The following INHBA variants were observed in gnomAD, a reference collection of about 807,000 sequenced individuals.
The protein encoded by INHBA is inhibin beta A chain.
A neutral mutation model predicts 29.0 loss-of-function variants in INHBA; 1 was observed. The observed-to-expected ratio is 0.03, with a 90% confidence interval of 0.01 to 0.16. The LOEUF (loss-of-function observed/expected upper bound fraction) is 0.16, where lower values mean the gene tolerates loss of function less well. Among genes scored for constraint, INHBA ranks in the 10% least tolerant of loss-of-function variants. The pLI, the probability that INHBA is intolerant of heterozygous loss-of-function variation, is 1.00. For synonymous variants in INHBA, 242 were observed against 216.8 expected, an observed-to-expected ratio of 1.12 and a Z score of -1.02; for missense variants, 376 against 545.4, an observed-to-expected ratio of 0.69 and a Z score of 3.09.
At chr7:41,704,657 TA>T, upstream of INHBA, among the ~76,000 whole-genome samples, 3 of 84,832 alleles carry the variant, frequency 3.5e-5, no homozygotes, top group South Asian at 3.9e-4. Context: ...TGTGTGTGTG[TA>T]GGTGACGTGG....
In INHBA at chr7:41,700,068, T is replaced by C; in HGVS notation, c.307A>G (p.Ile103Val). ...GCCCTCCTTCCAATGTCATCCTCTA[T>C]CTCCACATACCCGTTCTCCCCGACT... is the stretch of plus-strand genomic sequence containing the variant. ...GKVGENGYVE[I>V]EDDIGRRAEM... Residue 103 changes from isoleucine to valine, a missense_variant, in exon 2 of 3, where the codon ATA becomes GTA. By Grantham distance (29) the Ile-to-Val change is conservative. Around this residue, in one of 4 missense-constraint regions of INHBA, gnomAD observed 253 missense variants for 313.4 expected, o/e 0.81. Coordinates refer to ENST00000242208, the MANE Select transcript of INHBA (RefSeq NM_002192.4). The C allele has an allele frequency of 6.2e-7, 1 of 1,613,158 alleles. No homozygotes were observed. Among genetic ancestry groups the C allele is most frequent in the Non-Finnish European group, 8.5e-7 (1 of 1,179,782 alleles).
rs1178856323 is a variant in INHBA at position 41,689,348 on chromosome 7, A to G, written c.*302T>C. 3.0e-6 allele frequency: 1 copy of G among 335,850 alleles called. No individual in the cohort carries two copies. Among genetic ancestry groups the G allele is most frequent in the African/African-American group, 2.1e-5 (1 of 47,350 alleles). 20.8% of individuals were successfully genotyped at this position (335,850 alleles called of 1,614,324 possible). A position where few individuals can be genotyped will look rare whatever the true frequency, so the allele number is the denominator to read the frequency against. ...GGAAAGGACAATACCCCGTTTAAAC[A>G]ACTGATGTCATCAGTGTGATTTCAG... On this transcript the variant is annotated 3_prime_UTR_variant, in exon 3 of 3. Coordinates refer to ENST00000242208, the MANE Select transcript of INHBA (RefSeq NM_002192.4).
intron 2 of INHBA, among the ~76,000 whole-genome samples, chr7:41,697,712 T>C (rs1173452843): frequency 6.6e-6 from 1 of 152,220 alleles, no homozygotes; most frequent in Non-Finnish European, 1.5e-5. Context: ...GTTATTAAAG[T>C]TGAATTATTC....
At chr7:41,690,924 A>T (rs190126017) in intron 2 of INHBA, among the ~76,000 whole-genome samples, 37 of 152,268 alleles carry the variant, frequency 2.4e-4, no homozygotes, top group African/African-American at 7.9e-4. Flanking sequence ...ACAAAGCCTA[A>T]ATTATTTACT....
At chr7:41,692,310 G>T (rs956300876) in intron 2 of INHBA, 1 of 152,054 alleles carries the variant, frequency 6.6e-6, no homozygotes, top group Non-Finnish European at 1.5e-5. Flanking sequence ...TCCCTGGGAG[G>T]ATCTCCCTGC....
intron 1 of INHBA, among the ~76,000 whole-genome samples, chr7:41,700,837 A>G (rs1211601559): frequency 2.9e-5 from 1 of 34,888 alleles, no homozygotes; most frequent in East Asian, 1.1e-3. Flanking sequence ...GAGAGAGGGA[A>G]AGGAAGAGAG....
intron 1 of INHBA, among the ~76,000 whole-genome samples, chr7:41,702,578 C>A (rs1358560985): frequency 6.6e-6 from 1 of 152,010 alleles, no homozygotes; most frequent in Non-Finnish European, 1.5e-5. Context: ...TATACAGTAC[C>A]CAAAATGTTT....
rs1482308991 is a variant in INHBA, at chr7:41,685,131, T to C, written c.*4519A>G. 1 of 152,126 alleles carries C rather than the reference T, an allele frequency of 6.6e-6. No individual in the cohort carries two copies. Among genetic ancestry groups the C allele is most frequent in the Non-Finnish European group, 1.5e-5 (1 of 67,978 alleles). The allele number at this position is 152,126 out of a possible 1,614,324, so 9.4% of individuals were successfully genotyped here. On this transcript the variant is annotated 3_prime_UTR_variant, in exon 3 of 3. Coordinates refer to ENST00000242208, the MANE Select transcript of INHBA (RefSeq NM_002192.4). ...ATAAAAAATACATCCCAAACAGGTCTTTTTATTTAACATAAGGCCAAAGAA... is the reference window on the plus strand; with the variant it reads ...ATAAAAAATACATCCCAAACAGGTCCTTTTATTTAACATAAGGCCAAAGAA...
chr7:41,685,264 G>A lies in INHBA; in HGVS notation c.*4386C>T, dbSNP rs1323145983. The A allele has an allele frequency of 6.6e-6, 1 of 151,986 alleles. No individual in the cohort carries two copies. Among genetic ancestry groups the A allele is most frequent in the African/African-American group, 2.4e-5 (1 of 41,412 alleles). The allele number at this position is 151,986 out of a possible 1,614,324, so 9.4% of individuals were successfully genotyped here. On this transcript the variant is annotated 3_prime_UTR_variant, in exon 3 of 3. Coordinates refer to ENST00000242208, the MANE Select transcript of INHBA (RefSeq NM_002192.4). The stretch of plus-strand genomic sequence containing the variant: ...AATGCCATAGAAATAAATAACTTCT[G>A]CTATAAACACATGAAAACATATCAA...
chr7:41,691,567 T>G (rs73325999), intron 2 of INHBA: 7,317 of 152,470 alleles, frequency 0.048, 585 homozygotes, highest in African/African-American at 0.17. Context: ...CTTTCTCAAC[T>G]GCAGGCAGTG....
At chr7:41,696,997 A>G (rs1794664735) in intron 2 of INHBA, among the ~76,000 whole-genome samples, 1 of 152,210 alleles carries the variant, frequency 6.6e-6, no homozygotes, top group South Asian at 2.1e-4. Flanking sequence ...CAGAACCCAC[A>G]TCCAGGTTTG....
At chr7:41,694,651 T>C (rs1794600166) in intron 2 of INHBA, among the ~76,000 whole-genome samples, 1 of 152,196 alleles carries the variant, frequency 6.6e-6, no homozygotes, top group Non-Finnish European at 1.5e-5. Flanking sequence ...TCATCCTCTG[T>C]GCTATTTTTT....
chr7:41,696,015 C>A (rs956268249), intron 2 of INHBA, among the ~76,000 whole-genome samples: 35 of 148,602 alleles, frequency 2.4e-4, no homozygotes, highest in African/African-American at 7.3e-4. Context: ...ACTGCACAGG[C>A]CGCAGACCAC....
upstream of INHBA, among the ~76,000 whole-genome samples, chr7:41,704,610 TAGTGTG>T (rs1407723502): frequency 9.1e-5 from 7 of 77,300 alleles, no homozygotes. Context: ...CCACACAAAG[TAGTGTG>T]TGTGTGTGTG....
rs1259266135 is a variant in INHBA, at chr7:41,700,516, C to A, written c.-142G>T. 7.8e-6 allele frequency: 6 copies of A among 770,732 alleles called. No individual in the cohort carries two copies. The highest frequency in any genetic ancestry group is 3.7e-5 in the African/African-American group (2 of 53,978). The allele number at this position is 770,732 out of a possible 1,614,324, so 47.7% of individuals were successfully genotyped here. ...TTTTCCTTCTCCTCTTCAGCAAATT[C>A]TCTGGAACAAGAACAAAAAGTTTTC... On this transcript the variant is annotated splice_region_variant and 5_prime_UTR_variant, in exon 2 of 3. Coordinates refer to ENST00000242208, the MANE Select transcript of INHBA (RefSeq NM_002192.4).
chr7:41,695,994 C>T (rs916363524), intron 2 of INHBA, among the ~76,000 whole-genome samples: 3 of 152,198 alleles, frequency 2.0e-5, no homozygotes, highest in Non-Finnish European at 2.9e-5. Context: ...CACCCCCAGC[C>T]CAGTCCATCC....
In INHBA at chr7:41,689,532, T is replaced by G. The variant is rs1794453771; in HGVS notation, c.*118A>C. 3.6e-6 allele frequency: 3 copies of G among 822,538 alleles called. No individual in the cohort carries two copies. Among genetic ancestry groups the G allele is most frequent in the Non-Finnish European group, 5.1e-6 (3 of 591,336 alleles). 51.0% of individuals were successfully genotyped at this position (822,538 alleles called of 1,614,324 possible). On this transcript the variant is annotated 3_prime_UTR_variant, in exon 3 of 3. Coordinates refer to ENST00000242208, the MANE Select transcript of INHBA (RefSeq NM_002192.4). ...ACTTTTGTTTTTTTTTGTTTTTTTTTTTGTTTTGTTTTTAATTTCTATTTT... is the reference window on the plus strand; with the variant it reads ...ACTTTTGTTTTTTTTTGTTTTTTTTGTTGTTTTGTTTTTAATTTCTATTTT...
rs945744998 is a variant in INHBA, at chr7:41,685,905, T to C, written c.*3745A>G. The C allele has an allele frequency of 6.6e-5, 10 of 152,066 alleles. No individual in the cohort carries two copies. Among genetic ancestry groups the C allele is most frequent in the Admixed American group, 6.6e-5 (1 of 15,264 alleles). 9.4% of individuals were successfully genotyped at this position (152,066 alleles called of 1,614,324 possible). ...TTATTTATTTTGTGGGTTTTCAGGG[T>C]GACTAAGTTTTTCCCTACATTGAAA... On this transcript the variant is annotated 3_prime_UTR_variant, in exon 3 of 3. Coordinates refer to ENST00000242208, the MANE Select transcript of INHBA (RefSeq NM_002192.4).
chr7:41,703,363 A>G (rs1794838216), upstream of INHBA, among the ~76,000 whole-genome samples: 1 of 152,198 alleles, frequency 6.6e-6, no homozygotes, highest in Non-Finnish European at 1.5e-5. Context: ...ATATGTCTCA[A>G]TGAGTGTGTC....
Sources: allele counts gnomAD v4.1 joint callset (sites outside exome capture counted in the v4.1 genomes callset), GRCh38; gene constraint gnomAD v4.1.1; regional missense constraint gnomAD v4.1.1; transcripts MANE v1.5; gene names NCBI Gene and HGNC (gene_info 2026-07-23, HGNC 2026-07-21).